Variants in ANK3 observed in about 807,000 individuals in gnomAD.
The protein encoded by ANK3 is ankyrin 3.
In ANK3, 57 loss-of-function variants were observed where a neutral mutation model predicts 370.9. That is an observed-to-expected ratio of 0.15 (90% CI 0.12 to 0.19). The LOEUF (loss-of-function observed/expected upper bound fraction) is 0.19, where lower values mean the gene tolerates loss of function less well. ANK3 is among the 10% of genes least tolerant of loss of function. The pLI, the probability that ANK3 is intolerant of heterozygous loss-of-function variation, is 1.00. For missense variants in ANK3, 4,439 were observed against 5,302.1 expected (o/e 0.84, Z 5.06); for synonymous variants, 1,929 against 1,946.3 (o/e 0.99, Z 0.23).
In ANK3 at chr10:60,072,074, T is replaced by C. The variant is rs1420817118; in HGVS notation, c.8807A>G (p.Lys2936Arg). ...CAATCCGCCTGGATGGTCCCCTTCT[T>C]TCACAACATATTCCCTATATAAGAC... Reference protein sequence around the residue: ...KKVLYREYVVKEGDHPGGLLD... With the variant: ...KKVLYREYVVREGDHPGGLLD... The change falls in exon 37 of 44, where the codon AAA becomes AGA. Residue 2936 changes from lysine to arginine, a missense_variant. Lys to Arg is a conservative substitution (Grantham distance 26). Coordinates refer to ENST00000280772, the MANE Select transcript of ANK3 (RefSeq NM_020987.5). 1.2e-6 allele frequency: 2 copies of C among 1,614,090 alleles called. No homozygotes were observed. The highest frequency in any genetic ancestry group is 3.3e-5 in the Admixed American group (2 of 60,002).
chr10:60,672,726 C>G lies in ANK3; in HGVS notation c.58-57502G>C, dbSNP rs189495236. ...AAACCCAAGGAATGGGTCCTAGGAA[C>G]CCAGATTTACAACCAGTTGATCAGA... On this transcript the variant is annotated intron_variant, in intron 1 of 43. Coordinates refer to the ANK3 transcript ENST00000373827. 1.2e-3 allele frequency among the ~76,000 whole-genome samples: 187 copies of G among 152,268 alleles called. 2 individuals carry two copies. Among genetic ancestry groups the G allele is most frequent in the African/African-American group, 4.2e-3 (176 of 41,554 alleles).
At position 60,321,946 on chromosome 10, in the gene ANK3, G is replaced by T. The variant is rs1593707191; in HGVS notation, c.115-42307C>A. On this transcript the variant is annotated intron_variant, in intron 1 of 43. Coordinates refer to ENST00000280772, the MANE Select transcript of ANK3 (RefSeq NM_020987.5). ...AGAACTCTTGCGGTGGGGGGTGCGA[G>T]CTGGCAGAATCCATTACTAAAAATG... Among the ~76,000 whole-genome samples the T allele has an allele frequency of 1.1e-4, 16 of 152,238 alleles. No homozygotes were observed. The South Asian group carries it at 3.3e-3, about 32-fold the overall frequency.
At position 60,074,557 on chromosome 10, in the gene ANK3, A is replaced by C; in HGVS notation, c.6324T>G (p.Ile2108Met). Residue 2108 changes from isoleucine to methionine, a missense_variant, in exon 37 of 44, where the codon ATT becomes ATG. By Grantham distance (10) the Ile-to-Met change is conservative. Transcript: ENST00000280772. ...GAGAAAAGTCATCAGGAGACTCTAA[A>C]ATAGTATCTGTTCCAAAAAAGGAAT... ...MADSFFGTDT[I>M]LESPDDFSQH... 1.9e-6 allele frequency: 3 copies of C among 1,614,118 alleles called. No homozygotes were observed. Among genetic ancestry groups the C allele is most frequent in the Non-Finnish European group, 2.5e-6 (3 of 1,180,002 alleles).
chr10:60,240,173 TACATATATAC>T (rs2097421456), intron 7 of ANK3, among the ~76,000 whole-genome samples: 1 of 119,820 alleles, frequency 8.3e-6, no homozygotes, highest in Non-Finnish European at 1.8e-5. Flanking sequence ...CACATATATA[TACATATATAC>T]ACATATATAT....
intron 2 of ANK3, among the ~76,000 whole-genome samples, chr10:60,399,564 C>T (rs2063313022): frequency 6.6e-6 from 1 of 152,078 alleles, no homozygotes; most frequent in African/African-American, 2.4e-5. Flanking sequence ...GAGTCTTGGT[C>T]CAGTTCCTAA....
exon 1 of ANK3, chr10:60,733,310 A>G: frequency 8.1e-7 from 1 of 1,236,002 alleles, no homozygotes; most frequent in Non-Finnish European, 1.0e-6. Flanking sequence ...GAGGAGGCGG[A>G]GGAGGCCATG....
At chr10:60,444,360 A>G (rs2064380699) in intron 2 of ANK3, among the ~76,000 whole-genome samples, 1 of 151,376 alleles carries the variant, frequency 6.6e-6, no homozygotes, top group African/African-American at 2.4e-5. Flanking sequence ...AAAAAAAACC[A>G]TATATATAAC....
At chr10:60,725,224 TA>T (rs2079924675) in intron 1 of ANK3, among the ~76,000 whole-genome samples, 2 of 152,188 alleles carry the variant, frequency 1.3e-5, no homozygotes, top group Non-Finnish European at 2.9e-5. Context: ...TCCTTATGTT[TA>T]TCTAATCCTT....
intron 1 of ANK3, among the ~76,000 whole-genome samples, chr10:60,705,336 TAACA>T (rs3048273): frequency 0.28 from 42,641 of 151,890 alleles, 6,714 homozygotes; most frequent in South Asian, 0.48. Flanking sequence ...ATGATAATAA[TAACA>T]AACACTTCAC....
Position 60,075,074 on chromosome 10 carries a change from T to A in ANK3, c.5807A>T (p.Glu1936Val), listed in dbSNP as rs2083473212. ...EKPFQPELPK[E>V]GRIDDEEPFK... ...AGGTTCTTCATCATCTATTCTCCCT[T>A]CCTTTGGGAGTTCAGGTTGGAATGG... Residue 1936 changes from glutamate (E) to valine (V), a missense_variant, in exon 37 of 44, where the codon GAA becomes GTA. By Grantham distance (121) the Glu-to-Val change is moderately radical (BLOSUM62 -2). Coordinates refer to ENST00000280772, the MANE Select transcript of ANK3 (RefSeq NM_020987.5). The A allele has an allele frequency of 6.2e-7, 1 of 1,613,954 alleles. No homozygotes were observed.
At chr10:60,424,374 T>C (rs1205280916) in intron 2 of ANK3, among the ~76,000 whole-genome samples, 1 of 152,020 alleles carries the variant, frequency 6.6e-6, no homozygotes, top group East Asian at 1.9e-4. Context: ...AATCAAGTCT[T>C]TCATATTTGT....
chr10:60,462,819 T>C (rs1193889614), intron 2 of ANK3, among the ~76,000 whole-genome samples: 1 of 152,114 alleles, frequency 6.6e-6, no homozygotes, highest in African/African-American at 2.4e-5. Context: ...GGTACCCACA[T>C]AGAATGTATA....
chr10:60,135,927 A>C (rs2094322662), intron 24 of ANK3, among the ~76,000 whole-genome samples: 1 of 151,862 alleles, frequency 6.6e-6, no homozygotes, highest in Non-Finnish European at 1.5e-5. Context: ...TTATCCCCAA[A>C]CAACCATCAT....
intron 2 of ANK3, among the ~76,000 whole-genome samples, chr10:60,596,599 C>CCATTTA: frequency 6.6e-6 from 1 of 152,202 alleles, no homozygotes; most frequent in Non-Finnish European, 1.5e-5. Context: ...CCACTGGATA[C>CCATTTA]TTTAATGGTC....
intron 2 of ANK3, among the ~76,000 whole-genome samples, chr10:60,558,721 C>A (rs1423932522): frequency 2.0e-5 from 3 of 152,134 alleles, no homozygotes; most frequent in Non-Finnish European, 4.4e-5. Flanking sequence ...TCTCTGCCAA[C>A]TTTTATGATT....
chr10:60,374,415 G>C (rs573519515), intron 1 of ANK3, among the ~76,000 whole-genome samples: 1 of 152,102 alleles, frequency 6.6e-6, no homozygotes, highest in Admixed American at 6.6e-5. Flanking sequence ...AAGAGGGTGA[G>C]GCAGGAGATG....
At chr10:60,657,484 T>A (rs1311279505) in intron 1 of ANK3, among the ~76,000 whole-genome samples, 1 of 152,228 alleles carries the variant, frequency 6.6e-6, no homozygotes, top group Non-Finnish European at 1.5e-5. Context: ...GACCTATGGT[T>A]AATTAGAAGA....
chr10:60,195,137 C>T (rs1277406258), intron 16 of ANK3, among the ~76,000 whole-genome samples: 1 of 152,054 alleles, frequency 6.6e-6, no homozygotes, highest in Non-Finnish European at 1.5e-5. Flanking sequence ...CCTGTAATTC[C>T]AGCACTTTGG....
intron 42 of ANK3, among the ~76,000 whole-genome samples, chr10:60,047,701 A>G (rs72818473): frequency 0.034 from 5,163 of 152,334 alleles, 128 homozygotes; most frequent in Admixed American, 0.074. Flanking sequence ...ATACAGTTGT[A>G]CTATATAGTA....
Sources: gnomAD v4.1 joint callset for allele counts (sites outside exome capture counted in the v4.1 genomes callset) on GRCh38, gnomAD v4.1.1 for gene constraint, MANE v1.5 for transcripts, NCBI Gene and HGNC (gene_info 2026-07-23, HGNC 2026-07-21) for gene names.